SCIN: variants seen among roughly 807,000 people sequenced by gnomAD.
SCIN encodes scinderin.
Under a neutral mutation model 91.8 loss-of-function variants are expected in SCIN, and 91 were observed. That is an observed-to-expected ratio of 0.99 (90% confidence interval 0.84 to 1.18). The LOEUF (loss-of-function observed/expected upper bound fraction) is 1.18. SCIN is among the 50% of genes most tolerant of loss of function. SCIN has a pLI of 0.00. For synonymous variants in SCIN, 367 were observed against 312.6 expected (o/e 1.17, Z -1.84); for missense variants, 1,087 against 863.9 (o/e 1.26, Z -3.24).
rs183036877 is a variant in SCIN at position 12,606,679 on chromosome 7, T to C, written c.666+2016T>C. On this transcript the variant is annotated intron_variant, in intron 4 of 15. Coordinates refer to ENST00000297029, the MANE Select transcript of SCIN (RefSeq NM_001112706.3). ...CTGTATTCATACATATGTACATACC[T>C]AGAAAATTGTGCTAAAATATTACCA... Among the ~76,000 whole-genome samples the C allele has an allele frequency of 4.6e-5, 7 of 152,340 alleles. No individual in the cohort carries two copies. The East Asian group carries it at 1.2e-3, about 25-fold the overall frequency.
chr7:12,617,686 A>G (rs980247050), intron 4 of SCIN, among the ~76,000 whole-genome samples: 1 of 152,152 alleles, frequency 6.6e-6, no homozygotes, highest in African/African-American at 2.4e-5. Flanking sequence ...GTTGAGGTAG[A>G]TAAACCAGGC....
At chr7:12,594,744 C>T (rs542942397) in intron 3 of SCIN, among the ~76,000 whole-genome samples, 121 of 152,116 alleles carry the variant, frequency 8.0e-4, no homozygotes, top group Middle Eastern at 3.4e-3. Context: ...GAGAGGGCGG[C>T]GCCTGTCTTG....
chr7:12,587,346 G>A (rs996542431), intron 3 of SCIN, among the ~76,000 whole-genome samples: 7 of 152,150 alleles, frequency 4.6e-5, no homozygotes, highest in Non-Finnish European at 1.0e-4. Context: ...TGTAGCCTGG[G>A]GGTGGGGAGT....
chr7:12,645,483 G>C (rs1330484682), intron 13 of SCIN, among the ~76,000 whole-genome samples: 2 of 152,122 alleles, frequency 1.3e-5, no homozygotes, highest in Non-Finnish European at 2.9e-5. Context: ...CTCTACACAG[G>C]GTATTTTTTT....
intron 3 of SCIN, among the ~76,000 whole-genome samples, chr7:12,602,727 G>A (rs1336089904): frequency 2.0e-5 from 3 of 151,998 alleles, no homozygotes; most frequent in South Asian, 2.1e-4. Flanking sequence ...CTTTTTGCCC[G>A]ACCCTGCAGG....
intron 3 of SCIN, among the ~76,000 whole-genome samples, chr7:12,590,668 G>A (rs891161055): frequency 5.3e-5 from 8 of 152,030 alleles, no homozygotes; most frequent in African/African-American, 1.9e-4. Context: ...CAGAAGAAAG[G>A]GAGGCTTCTT....
intron 4 of SCIN, among the ~76,000 whole-genome samples, chr7:12,611,700 A>G (rs1354198138): frequency 1.3e-5 from 2 of 152,204 alleles, no homozygotes; most frequent in Non-Finnish European, 2.9e-5. Context: ...ACCACTTTGT[A>G]ACAATATATT....
intron 5 of SCIN, 122 bp downstream of exon 5, chr7:12,623,015 T>A (rs1352100236): frequency 3.5e-6 from 2 of 574,350 alleles, no homozygotes; most frequent in Non-Finnish European, 6.2e-6. Flanking sequence ...CCAAGAGCAA[T>A]GTGTAGATAG....
rs1331877048 is a variant in SCIN, at chr7:12,644,665, C to A, written c.1841C>A (p.Pro614His). The A allele has an allele frequency of 3.1e-6, 5 of 1,591,460 alleles. No homozygotes were observed. The East Asian group carries it at 6.8e-5, about 22-fold the overall frequency. ...LLETQAEDHP[P>H]RLYGCSNKTG... is the part of the protein sequence containing the mutation. Reference sequence around the variant, plus strand: ...GAAACCCAGGCTGAAGACCATCCACCTCGGCTTTACGGCTGCTCTAACAAA... The same window carrying A: ...GAAACCCAGGCTGAAGACCATCCACATCGGCTTTACGGCTGCTCTAACAAA... Residue 614 changes from proline to histidine, a missense_variant, in exon 13 of 16, where the codon CCT becomes CAT. Transcript: ENST00000297029.
In SCIN at chr7:12,653,368, T is replaced by G. The variant is rs943504098; in HGVS notation, c.*653T>G. The stretch of plus-strand genomic sequence containing the variant: ...ATGCATTAGCCATTAGTCAGAGTTG[T>G]TTTTTAACATGCCAGAGAAAAAGTT... On this transcript the variant is annotated 3_prime_UTR_variant, in exon 16 of 16. Coordinates refer to ENST00000297029, the MANE Select transcript of SCIN (RefSeq NM_001112706.3). The surrounding 1 kb of genome is among the most constrained non-coding windows in gnomAD (Gnocchi z 4.1). The G allele has an allele frequency of 1.3e-5, 2 of 152,178 alleles. No individual in the cohort carries two copies. Among genetic ancestry groups the G allele is most frequent in the Non-Finnish European group, 2.9e-5 (2 of 68,036 alleles). 9.4% of individuals were successfully genotyped at this position (152,178 alleles called of 1,614,324 possible). A position where few individuals can be genotyped will look rare whatever the true frequency, so the allele number is the denominator to read the frequency against.
At chr7:12,637,257 G>A (rs1057354071) in intron 10 of SCIN, among the ~76,000 whole-genome samples, 3 of 152,046 alleles carry the variant, frequency 2.0e-5, no homozygotes, top group African/African-American at 2.4e-5. Context: ...GAATTAATAG[G>A]TTAAAAAAAG....
At chr7:12,606,744 A>G (rs1783087204) in intron 4 of SCIN, among the ~76,000 whole-genome samples, 1 of 152,054 alleles carries the variant, frequency 6.6e-6, no homozygotes, top group Non-Finnish European at 1.5e-5. Context: ...TTTCTTCTTC[A>G]TTTGTCTTTG....
intron 4 of SCIN, among the ~76,000 whole-genome samples, chr7:12,620,593 T>A (rs908408456): frequency 1.8e-4 from 27 of 152,118 alleles, no homozygotes; most frequent in African/African-American, 6.5e-4. Flanking sequence ...TTGCAGCCAG[T>A]GTCCAGGAAT....
At chr7:12,598,021 A>C (rs1782877979) in intron 3 of SCIN, among the ~76,000 whole-genome samples, 1 of 152,176 alleles carries the variant, frequency 6.6e-6, no homozygotes, top group Admixed American at 6.6e-5. Context: ...GAGTTGTTAA[A>C]TGCCTTAAGA....
chr7:12,615,973 G>C (rs887988044), intron 4 of SCIN, among the ~76,000 whole-genome samples: 1 of 152,058 alleles, frequency 6.6e-6, no homozygotes, highest in African/African-American at 2.4e-5. Context: ...AATTAAACAA[G>C]TTCATATAAA....
intron 9 of SCIN, among the ~76,000 whole-genome samples, chr7:12,634,747 C>A (rs1020681147): frequency 1.3e-5 from 2 of 152,136 alleles, no homozygotes; most frequent in African/African-American, 4.8e-5. Flanking sequence ...CAGCAGATCT[C>A]CCACAAGTTG....
chr7:12,591,256 G>C (rs193138144), intron 3 of SCIN, among the ~76,000 whole-genome samples: 1 of 152,256 alleles, frequency 6.6e-6, no homozygotes, highest in East Asian at 1.9e-4. Flanking sequence ...AGAGGGCATG[G>C]AGTAATTGAA....
At chr7:12,591,073 T>G (rs914729535) in intron 3 of SCIN, among the ~76,000 whole-genome samples, 2 of 151,980 alleles carry the variant, frequency 1.3e-5, no homozygotes, top group Admixed American at 1.3e-4. Flanking sequence ...CATCTATGAA[T>G]AGTTGATCAT....
chr7:12,576,108 C>T (rs1782364478), intron 1 of SCIN, among the ~76,000 whole-genome samples: 1 of 152,158 alleles, frequency 6.6e-6, no homozygotes, highest in Non-Finnish European at 1.5e-5. Context: ...TCAAATACAT[C>T]ATCTTTAACA....
Sources: gnomAD v4.1 joint callset for allele counts (sites outside exome capture counted in the v4.1 genomes callset) on GRCh38, gnomAD v4.1.1 for gene constraint, Gnocchi (gnomAD v3.1) non-coding constraint, MANE v1.5 for transcripts, NCBI Gene and HGNC (gene_info 2026-07-23, HGNC 2026-07-21) for gene names.